The following BAZ2B variants were observed in gnomAD, a reference collection of about 807,000 sequenced individuals.
The protein encoded by BAZ2B is bromodomain adjacent to zinc finger domain protein 2B.
A neutral mutation model predicts 246.0 loss-of-function variants in BAZ2B; 91 were observed. The ratio of observed to expected loss-of-function variants is 0.37; its 90% CI spans 0.31 to 0.44. BAZ2B has a LOEUF of 0.44. BAZ2B is among the 20% of genes least tolerant of loss of function. The probability of loss-of-function intolerance (pLI) is 1.00; values close to 1 mark genes in which losing one functional copy is unlikely to be tolerated. For synonymous variants in BAZ2B, 855 were observed against 860.0 expected (o/e 0.99, Z 0.10); for missense variants, 2,332 against 2,533.7 (o/e 0.92, Z 1.71).
chr2:159,637,198 TA>T, the BAZ2B span, among the ~76,000 whole-genome samples: 3 of 152,164 alleles, frequency 2.0e-5, no homozygotes, highest in African/African-American at 7.2e-5. Context: ...GCACCTTAGG[TA>T]CCAGCTTGTA....
At chr2:159,582,338 TC>T (rs1257562424) in intron 1 of BAZ2B, among the ~76,000 whole-genome samples, 7 of 152,212 alleles carry the variant, frequency 4.6e-5, no homozygotes, top group Non-Finnish European at 1.0e-4. Flanking sequence ...GATTTGAGTT[TC>T]TCCGGTAAGA....
chr2:159,356,708 G>A (rs1458402874), intron 27 of BAZ2B, among the ~76,000 whole-genome samples: 1 of 152,218 alleles, frequency 6.6e-6, no homozygotes. Context: ...GGGGTCGACA[G>A]ACACCTCATA....
the BAZ2B span, among the ~76,000 whole-genome samples, chr2:159,658,299 T>C: frequency 2.6e-5 from 4 of 152,128 alleles, no homozygotes; most frequent in Non-Finnish European, 4.4e-5. Flanking sequence ...ATTGTTTTTG[T>C]GCACTGTGGG....
intron 4 of BAZ2B, among the ~76,000 whole-genome samples, chr2:159,449,606 A>G (rs150218233): frequency 2.0e-5 from 3 of 152,346 alleles, no homozygotes; most frequent in East Asian, 3.9e-4. Context: ...TCTAAAAAAC[A>G]GTATAAGTAG....
chr2:159,350,049 G>C lies in BAZ2B; in HGVS notation c.4522C>G (p.Leu1508Val), dbSNP rs1200004846. 7 of 1,614,162 alleles carry C rather than the reference G, an allele frequency of 4.3e-6. No individual in the cohort carries two copies. The highest frequency in any genetic ancestry group is 5.9e-6 in the Non-Finnish European group (7 of 1,180,008). ...LSYQNSGKHS[L>V]GSVQSTATQS... is the part of the protein sequence containing the mutation. Reference sequence around the variant, plus strand: ...GTTGCTGTTGACTGAACGCTGCCCAGTGAATGTTTTCCACTGTTCTGATAA... The same window carrying C: ...GTTGCTGTTGACTGAACGCTGCCCACTGAATGTTTTCCACTGTTCTGATAA... The change falls in exon 28 of 37, where the codon CTG (leucine) becomes GTG (valine). Residue 1508 changes from leucine to valine, a missense_variant. Transcript: ENST00000392783.
Position 159,600,030 on chromosome 2 carries a change from C to G in BAZ2B, c.-46+16212G>C, listed in dbSNP as rs143920023. Among the ~76,000 whole-genome samples, 691 of 151,908 alleles carry G rather than the reference C, an allele frequency of 4.5e-3. 4 individuals carry two copies. Among genetic ancestry groups the G allele is most frequent in the African/African-American group, 0.015 (638 of 41,416 alleles). On this transcript the variant is annotated intron_variant, in intron 1 of 36. Coordinates refer to ENST00000392783, the MANE Select transcript of BAZ2B (RefSeq NM_013450.4). ...TAGTAGGTAAAATCTCGTAGAATGTCCCAGGCTTGCTTTCTAGCCTGAGGA... is the reference window on the plus strand; with the variant it reads ...TAGTAGGTAAAATCTCGTAGAATGTGCCAGGCTTGCTTTCTAGCCTGAGGA...
At chr2:159,356,006 T>C (rs1455549834) in intron 27 of BAZ2B, among the ~76,000 whole-genome samples, 1 of 152,230 alleles carries the variant, frequency 6.6e-6, no homozygotes, top group Admixed American at 6.5e-5. Context: ...ACCAGGAGAT[T>C]GCCTCCGGTG....
the BAZ2B span, among the ~76,000 whole-genome samples, chr2:159,692,613 G>A: frequency 6.6e-6 from 1 of 152,142 alleles, no homozygotes; most frequent in Admixed American, 6.5e-5. Flanking sequence ...TTACTCAGGA[G>A]GCTGAGGCTG....
At chr2:159,622,424 A>G in the BAZ2B span, among the ~76,000 whole-genome samples, 3 of 152,198 alleles carry the variant, frequency 2.0e-5, no homozygotes, top group Non-Finnish European at 4.4e-5. Context: ...AAAAAAAATT[A>G]TGGGAGGATT....
intron 26 of BAZ2B, among the ~76,000 whole-genome samples, chr2:159,373,602 G>C (rs555407343): frequency 6.6e-6 from 1 of 152,144 alleles, no homozygotes; most frequent in Non-Finnish European, 1.5e-5. Flanking sequence ...AGGCTGAGGC[G>C]GGTGGGTCAT....
chr2:159,614,808 C>G (rs1486631610), intron 1 of BAZ2B, among the ~76,000 whole-genome samples: 2 of 152,100 alleles, frequency 1.3e-5, no homozygotes, highest in African/African-American at 2.4e-5. Flanking sequence ...GTTACACAAT[C>G]CTATAAAACA....
intron 2 of BAZ2B, among the ~76,000 whole-genome samples, chr2:159,550,544 G>C (rs899047078): frequency 2.0e-5 from 3 of 152,030 alleles, no homozygotes; most frequent in African/African-American, 7.2e-5. Flanking sequence ...GGGAGACTGG[G>C]GAAATGATGT....
rs2082882473 is a variant in BAZ2B at position 159,511,197 on chromosome 2, C to T, written c.-2-32476G>A. ...TTAATCAGAATACTCATTCTCTGGACATTTCTTTCTTTCTTTCTTTTTTGA... is the reference window on the plus strand; with the variant it reads ...TTAATCAGAATACTCATTCTCTGGATATTTCTTTCTTTCTTTCTTTTTTGA... On this transcript the variant is annotated intron_variant, in intron 2 of 36. Transcript: ENST00000392783. Among the ~76,000 whole-genome samples the T allele has an allele frequency of 1.3e-5, 2 of 151,900 alleles. 1 individual carries two copies. Among genetic ancestry groups the T allele is most frequent in the Admixed American group, 1.3e-4 (2 of 15,228 alleles).
At chr2:159,636,786 C>CCT in the BAZ2B span, among the ~76,000 whole-genome samples, 3 of 152,152 alleles carry the variant, frequency 2.0e-5, no homozygotes, top group African/African-American at 7.2e-5. Context: ...AAGTGACCTC[C>CCT]CTCCTTTTGC....
At chr2:159,598,107 C>A (rs1691202778) in intron 1 of BAZ2B, among the ~76,000 whole-genome samples, 2 of 152,140 alleles carry the variant, frequency 1.3e-5, no homozygotes, top group South Asian at 4.2e-4. Flanking sequence ...GATTCTCCTG[C>A]CTCAGCCTCC....
At chr2:159,567,130 C>T (rs1358705010) in intron 1 of BAZ2B, among the ~76,000 whole-genome samples, 1 of 152,020 alleles carries the variant, frequency 6.6e-6, no homozygotes, top group Non-Finnish European at 1.5e-5. Flanking sequence ...GTAGTCCCAG[C>T]TACTCAGGAG....
intron 25 of BAZ2B, among the ~76,000 whole-genome samples, chr2:159,378,348 T>A (rs912173826): frequency 1.3e-5 from 2 of 152,214 alleles, no homozygotes; most frequent in Admixed American, 1.3e-4. Flanking sequence ...CTCAATGTAG[T>A]CTCATTTTCA....
chr2:159,460,223 T>G (rs2076239835), intron 3 of BAZ2B: 1 of 152,026 alleles, frequency 6.6e-6, no homozygotes, highest in African/African-American at 2.4e-5. Flanking sequence ...ACAAATGCCT[T>G]TATTAATATT....
chr2:159,443,072 T>C (rs1384685905), intron 6 of BAZ2B, among the ~76,000 whole-genome samples: 1 of 152,170 alleles, frequency 6.6e-6, no homozygotes, highest in African/African-American at 2.4e-5. Context: ...CAGAATCAAA[T>C]GGTAATTCAA....
Sources: allele counts gnomAD v4.1 joint callset (sites outside exome capture counted in the v4.1 genomes callset), GRCh38; gene constraint gnomAD v4.1.1; transcripts MANE v1.5; gene names NCBI Gene and HGNC (gene_info 2026-07-23, HGNC 2026-07-21).